The following EVA1A variants were observed in gnomAD, a reference collection of about 807,000 sequenced individuals.
EVA1A encodes the protein eva-1 homolog A, regulator of programmed cell death.
In EVA1A, 7 loss-of-function variants were observed where a neutral mutation model predicts 9.8. The observed-to-expected ratio is 0.71, with a 90% CI of 0.41 to 1.34. The LOEUF (loss-of-function observed/expected upper bound fraction) is 1.34. Among genes scored for constraint, EVA1A ranks in the 40% most tolerant of loss-of-function variants. The pLI is 0.01. For missense variants in EVA1A, 206 were observed against 205.9 expected, an observed-to-expected ratio of 1.00 and a Z score of 0.00; for synonymous variants, 90 against 85.6, an observed-to-expected ratio of 1.05 and a Z score of -0.28.
At chr2:75,535,400 A>T (rs1299577170) in intron 1 of EVA1A, among the ~76,000 whole-genome samples, 2 of 152,130 alleles carry the variant, frequency 1.3e-5, no homozygotes, top group African/African-American at 4.8e-5. Context: ...AAATAACTAA[A>T]CGTAGATCTA....
intron 3 of EVA1A, among the ~76,000 whole-genome samples, chr2:75,496,636 C>T (rs971696566): frequency 9.9e-5 from 15 of 152,028 alleles, no homozygotes; most frequent in African/African-American, 3.1e-4. Context: ...AATGCTATTC[C>T]TATCAAAGTA....
chr2:75,507,593 A>G (rs1176727509), intron 3 of EVA1A, among the ~76,000 whole-genome samples: 9 of 152,178 alleles, frequency 5.9e-5, no homozygotes, highest in Non-Finnish European at 1.5e-5. Flanking sequence ...TACTGACCTC[A>G]AAGGCACCAG....
chr2:75,550,874 A>C (rs976394118), intron 1 of EVA1A, among the ~76,000 whole-genome samples: 3 of 152,232 alleles, frequency 2.0e-5, no homozygotes, highest in African/African-American at 7.2e-5. Context: ...CTGTAATCCC[A>C]GCACTTTGGG....
At chr2:75,546,914 A>C (rs1403163745) in intron 1 of EVA1A, among the ~76,000 whole-genome samples, 1 of 151,286 alleles carries the variant, frequency 6.6e-6, no homozygotes, top group African/African-American at 2.4e-5. Context: ...GGCCAAAAAA[A>C]AAAAAAAAAA....
intron 1 of EVA1A, among the ~76,000 whole-genome samples, chr2:75,546,407 G>A (rs933182231): frequency 2.0e-5 from 3 of 152,078 alleles, no homozygotes; most frequent in African/African-American, 7.2e-5. Context: ...AGAAGAGGCT[G>A]GGGGGAAAAT....
chr2:75,513,277 G>T (rs745797722), intron 3 of EVA1A, among the ~76,000 whole-genome samples: 26 of 152,180 alleles, frequency 1.7e-4, no homozygotes, highest in Admixed American at 4.6e-4. Context: ...TGTGGTAAAA[G>T]CACCTAAAAT....
intron 1 of EVA1A, among the ~76,000 whole-genome samples, chr2:75,544,085 G>C (rs900139537): frequency 1.3e-5 from 2 of 152,204 alleles, no homozygotes. Context: ...GCCCGCTTCA[G>C]AATAAAGGTT....
intron 1 of EVA1A, among the ~76,000 whole-genome samples, chr2:75,544,555 A>C (rs1676259815): frequency 6.6e-6 from 1 of 152,208 alleles, no homozygotes; most frequent in Admixed American, 6.5e-5. Flanking sequence ...ATGCCAGATT[A>C]AACATGTTTT....
intron 1 of EVA1A, among the ~76,000 whole-genome samples, chr2:75,554,382 C>A (rs990343813): frequency 6.6e-6 from 1 of 152,090 alleles, no homozygotes; most frequent in African/African-American, 2.4e-5. Flanking sequence ...GTTTTTGAAC[C>A]CCAGAACAAA....
chr2:75,569,338 C>G (rs1247290452), intron 1 of EVA1A: 1 of 152,570 alleles, frequency 6.6e-6, no homozygotes, highest in Admixed American at 6.5e-5. Context: ...TGAAACTGCC[C>G]TCATTAAAGT....
At chr2:75,554,945 C>G (rs1676649331) in intron 1 of EVA1A, among the ~76,000 whole-genome samples, 1 of 152,222 alleles carries the variant, frequency 6.6e-6, no homozygotes, top group Non-Finnish European at 1.5e-5. Context: ...TCTCTTCCTT[C>G]AGACCATGAG....
chr2:75,527,547 A>T (rs1675495077), intron 1 of EVA1A, among the ~76,000 whole-genome samples: 1 of 152,242 alleles, frequency 6.6e-6, no homozygotes, highest in Non-Finnish European at 1.5e-5. Flanking sequence ...TCCAGCAGTA[A>T]GGAGGAGTCA....
intron 1 of EVA1A, among the ~76,000 whole-genome samples, chr2:75,555,643 G>A (rs968680881): frequency 3.3e-5 from 5 of 152,064 alleles, no homozygotes; most frequent in Admixed American, 6.6e-5. Context: ...GAGATAAGAG[G>A]CAGAGCCCCT....
At chr2:75,498,851 A>G (rs1398570065) in intron 3 of EVA1A, among the ~76,000 whole-genome samples, 1 of 151,940 alleles carries the variant, frequency 6.6e-6, no homozygotes, top group Non-Finnish European at 1.5e-5. Context: ...TTTGCTTACA[A>G]ATAGCATATT....
At chr2:75,533,918 T>C (rs1360208195) in intron 1 of EVA1A, among the ~76,000 whole-genome samples, 1 of 151,914 alleles carries the variant, frequency 6.6e-6, no homozygotes, top group African/African-American at 2.4e-5. Flanking sequence ...TTCACGCCAT[T>C]CTCCTGCCTC....
intron 1 of EVA1A, chr2:75,526,119 C>T (rs189086345): frequency 6.6e-6 from 1 of 152,308 alleles, no homozygotes; most frequent in East Asian, 1.9e-4. Flanking sequence ...CACCTCTGTG[C>T]CCAATGATTG....
intron 1 of EVA1A, among the ~76,000 whole-genome samples, chr2:75,537,790 C>T (rs1675968521): frequency 6.6e-6 from 1 of 152,194 alleles, no homozygotes; most frequent in Non-Finnish European, 1.5e-5. Context: ...TAGCATCTCT[C>T]TTGCTCCTTC....
chr2:75,540,804 T>C (rs1393967066), intron 1 of EVA1A: 3 of 152,146 alleles, frequency 2.0e-5, no homozygotes, highest in Non-Finnish European at 4.4e-5. Flanking sequence ...CGAATCAAGA[T>C]GCAGCTAGCA....
chr2:75,533,323 A>G (rs1235625607), intron 1 of EVA1A, among the ~76,000 whole-genome samples: 3 of 152,136 alleles, frequency 2.0e-5, no homozygotes, highest in Admixed American at 1.3e-4. Flanking sequence ...AAGTAGCACA[A>G]TGTATGTTTC....
Sources: gnomAD v4.1 joint callset for allele counts (sites outside exome capture counted in the v4.1 genomes callset) on GRCh38, gnomAD v4.1.1 for gene constraint, MANE v1.5 for transcripts, NCBI Gene and HGNC (gene_info 2026-07-23, HGNC 2026-07-21) for gene names.